PPP4R3B: variants seen among roughly 807,000 people sequenced by gnomAD.
PPP4R3B encodes the protein protein phosphatase 4 regulatory subunit 3B, also known as serine/threonine-protein phosphatase 4 regulatory subunit 3B.
A neutral mutation model predicts 95.4 loss-of-function variants in PPP4R3B; 52 were observed. That is an observed-to-expected ratio of 0.54 (90% CI 0.44 to 0.69). PPP4R3B has a LOEUF of 0.69. PPP4R3B is among the 30% of genes least tolerant of loss of function. PPP4R3B has a pLI of 0.00. For missense variants in PPP4R3B, 1,003 were observed against 1,005.9 expected (o/e 1.00, Z 0.04); for synonymous variants, 407 against 343.9 (o/e 1.18, Z -2.03).
chr2:55,556,271 C>G (rs1442750755), intron 16 of PPP4R3B, among the ~76,000 whole-genome samples: 6 of 152,180 alleles, frequency 3.9e-5, no homozygotes, highest in African/African-American at 1.4e-4. Context: ...TTATCCCTAT[C>G]TCTAAAAAGG....
Position 55,601,506 on chromosome 2 carries a change from A to C in PPP4R3B, c.298-2467T>G, listed in dbSNP as rs926102054. Among the ~76,000 whole-genome samples the C allele has an allele frequency of 2.0e-5, 3 of 151,652 alleles. No homozygotes were observed. The South Asian group carries it at 6.3e-4, about 32-fold the overall frequency. ...TCCCATTCTCCTGCCTCAGCCTCCC[A>C]AGTAGCTGGGACTACAGGTGCCCAC... On this transcript the variant is annotated intron_variant, in intron 3 of 16. Coordinates refer to ENST00000616407, the MANE Select transcript of PPP4R3B (RefSeq NM_001122964.3).
chr2:55,613,708 T>A (rs1346195467), intron 2 of PPP4R3B, among the ~76,000 whole-genome samples: 1 of 151,866 alleles, frequency 6.6e-6, no homozygotes, highest in African/African-American at 2.4e-5. Context: ...CTGAGAAGAA[T>A]CCATTATTAA....
intron 14 of PPP4R3B, among the ~76,000 whole-genome samples, 194 bp from the exon 15 acceptor site, chr2:55,564,691 AACT>A (rs1412808360): frequency 1.3e-5 from 2 of 152,222 alleles, no homozygotes; most frequent in Admixed American, 6.5e-5. Context: ...TTGTAAATTA[AACT>A]AAATATTCTT....
At chr2:55,587,703 T>A (rs1277627300) in intron 5 of PPP4R3B, among the ~76,000 whole-genome samples, 2 of 152,242 alleles carry the variant, frequency 1.3e-5, no homozygotes, top group African/African-American at 4.8e-5. Context: ...TATGAACACA[T>A]AGTTTCACAG....
intron 2 of PPP4R3B, among the ~76,000 whole-genome samples, chr2:55,608,920 G>T (rs13004436): frequency 0.11 from 16,714 of 152,128 alleles, 1,101 homozygotes; most frequent in East Asian, 0.24. Context: ...GGTCAAGGCT[G>T]CGTGAGACTT....
In PPP4R3B at chr2:55,564,855, T is replaced by C. The variant is rs775013644; in HGVS notation, c.2075+47A>G. On this transcript the variant is annotated intron_variant, in intron 14 of 16. Transcript: ENST00000616407. ...TGGAAAATCTGAACTACAAACAATT[T>C]TGGACACAGTTTTGTAGGCTATAAA... is the stretch of plus-strand genomic sequence containing the variant. 1.1e-5 allele frequency: 18 copies of C among 1,577,994 alleles called. No individual in the cohort carries two copies. In the East Asian group the frequency reaches 3.2e-4, roughly 28 times the overall value.
At chr2:55,586,385 G>C (rs1690148003) in intron 6 of PPP4R3B, among the ~76,000 whole-genome samples, 1 of 152,076 alleles carries the variant, frequency 6.6e-6, no homozygotes, top group Admixed American at 6.5e-5. Context: ...AAATATAACA[G>C]TCTTGCAAAA....
In PPP4R3B at chr2:55,581,922, A is replaced by AG. The variant is rs1430695249; in HGVS notation, c.1234-225dup. ...CTCCGAGAAAAAAAAAAGAAGAAGG[A>AG]GGAAAAAAAACCCACAAAAGCAGAG... On this transcript the variant is annotated intron_variant, in intron 7 of 16. Transcript: ENST00000616407. Among the ~76,000 whole-genome samples, 3 of 152,090 alleles carry AG rather than the reference A, an allele frequency of 2.0e-5. No homozygotes were observed. The East Asian group carries it at 5.8e-4, about 29-fold the overall frequency.
chr2:55,604,927 C>T (rs937092886), intron 2 of PPP4R3B, among the ~76,000 whole-genome samples: 3 of 152,010 alleles, frequency 2.0e-5, no homozygotes, highest in Non-Finnish European at 4.4e-5. Context: ...GCAGCCTCGA[C>T]CTCCTAGGCC....
intron 2 of PPP4R3B, among the ~76,000 whole-genome samples, chr2:55,612,324 T>C (rs555679927): frequency 6.6e-6 from 1 of 152,362 alleles, no homozygotes; most frequent in South Asian, 2.1e-4. Flanking sequence ...GACTAATTTA[T>C]TGAATAACCT....
At position 55,565,051 on chromosome 2, in the gene PPP4R3B, C is replaced by G. The variant is rs1368757369; in HGVS notation, c.1936-10G>C. On this transcript the variant is annotated splice_polypyrimidine_tract_variant and intron_variant, in intron 13 of 16. Coordinates refer to ENST00000616407, the MANE Select transcript of PPP4R3B (RefSeq NM_001122964.3). ...GAGACTTGATATCTTCCTGTATAAG[C>G]ACAAAATTTACATTTAAAATATAAT... 1 of 1,544,426 alleles carries G rather than the reference C, an allele frequency of 6.5e-7. No homozygotes were observed. Among genetic ancestry groups the G allele is most frequent in the Non-Finnish European group, 8.7e-7 (1 of 1,149,134 alleles).
chr2:55,563,846 T>C (rs901163394), intron 15 of PPP4R3B, among the ~76,000 whole-genome samples: 3 of 152,254 alleles, frequency 2.0e-5, no homozygotes, highest in Admixed American at 1.3e-4. Context: ...GGGGAAGTTT[T>C]ACTTTTTCAC....
intron 13 of PPP4R3B, 193 bp downstream of exon 13, chr2:55,568,001 T>C (rs1687524833): frequency 3.1e-6 from 1 of 322,272 alleles, no homozygotes; most frequent in Non-Finnish European, 5.5e-6. Context: ...ACTATAACCA[T>C]GTGGCAAATA....
rs568281431 is a variant in PPP4R3B at position 55,568,524 on chromosome 2, T to G, written c.1766-161A>C. Among the ~76,000 whole-genome samples, 38 of 152,302 alleles carry G rather than the reference T, an allele frequency of 2.5e-4. No homozygotes were observed. The South Asian group carries it at 3.7e-3, about 15-fold the overall frequency. The stretch of plus-strand genomic sequence containing the variant: ...ACTCCTCTAAAATGAAAAGTAAAAC[T>G]GTCTGGTAAAACTGGACTTTGAGGA... On this transcript the variant is annotated intron_variant, in intron 12 of 16. Transcript: ENST00000616407.
intron 2 of PPP4R3B, among the ~76,000 whole-genome samples, chr2:55,611,551 A>G (rs145902648): frequency 2.8e-4 from 42 of 152,330 alleles, no homozygotes; most frequent in Non-Finnish European, 5.3e-4. Flanking sequence ...ATCAATAATG[A>G]CTTTTCAATA....
chr2:55,555,752 G>T (rs1685771241), intron 16 of PPP4R3B, among the ~76,000 whole-genome samples: 1 of 152,112 alleles, frequency 6.6e-6, no homozygotes, highest in African/African-American at 2.4e-5. Flanking sequence ...ATTATAAATT[G>T]TTATATCCAT....
chr2:55,562,278 T>C (rs12991267), intron 15 of PPP4R3B, among the ~76,000 whole-genome samples: 60,487 of 151,820 alleles, frequency 0.4, 13,516 homozygotes, highest in African/African-American at 0.62. Context: ...AAAAATTAGC[T>C]GGGTGTGGTG....
rs72805403 is a variant in PPP4R3B at position 55,616,740 on chromosome 2, A to T, written c.142+404T>A. 899 of 152,296 alleles carry T rather than the reference A, an allele frequency of 5.9e-3. 7 individuals carry two copies. The highest frequency in any genetic ancestry group is 0.01 in the Non-Finnish European group (701 of 68,698). The allele number at this position is 152,296 out of a possible 1,614,324, so 9.4% of individuals were successfully genotyped here. A position where few individuals can be genotyped will look rare whatever the true frequency, so the allele number is the denominator to read the frequency against. On this transcript the variant is annotated intron_variant, in intron 1 of 16. Transcript: ENST00000616407. ...CCCGTTGGTACAATTTTTTTTTTTTAAAAACACTCGGAAAGAAAAGTTTCC... is the reference window on the plus strand; with the variant it reads ...CCCGTTGGTACAATTTTTTTTTTTTTAAAACACTCGGAAAGAAAAGTTTCC...
chr2:55,615,648 G>C, intron 1 of PPP4R3B, 142 bp from the exon 2 acceptor site: 2 of 553,536 alleles, frequency 3.6e-6, no homozygotes, highest in East Asian at 3.2e-5. Flanking sequence ...GAGGTCAAGA[G>C]ATCCAGACCA....
Sources: allele counts gnomAD v4.1 joint callset (sites outside exome capture counted in the v4.1 genomes callset), GRCh38; gene constraint gnomAD v4.1.1; transcripts MANE v1.5; gene names NCBI Gene and HGNC (gene_info 2026-07-23, HGNC 2026-07-21).